The following PXDNL variants were observed in gnomAD, a reference collection of about 807,000 sequenced individuals.
PXDNL encodes the protein probable oxidoreductase PXDNL.
A neutral mutation model predicts 150.8 loss-of-function variants in PXDNL; 145 were observed. The ratio of observed to expected loss-of-function variants is 0.96; its 90% CI spans 0.84 to 1.10. The LOEUF (loss-of-function observed/expected upper bound fraction) is 1.10. PXDNL is among the 50% of genes least tolerant of loss of function. The probability of loss-of-function intolerance (pLI) is 0.00; values close to 1 mark genes in which losing one functional copy is unlikely to be tolerated. For synonymous variants in PXDNL, 757 were observed against 725.7 expected (o/e 1.04, Z -0.69); for missense variants, 2,087 against 1,873.9 (o/e 1.11, Z -2.10).
At chr8:51,338,123 C>T (rs1028448413) in intron 21 of PXDNL, among the ~76,000 whole-genome samples, 3 of 143,084 alleles carry the variant, frequency 2.1e-5, no homozygotes, top group African/African-American at 5.3e-5. Flanking sequence ...AGGTAGGTTG[C>T]AGTGAGCCAA....
intron 4 of PXDNL, among the ~76,000 whole-genome samples, chr8:51,523,808 T>A (rs1025575271): frequency 6.6e-6 from 1 of 152,146 alleles, no homozygotes; most frequent in Admixed American, 6.5e-5. Flanking sequence ...GACAGAAGAA[T>A]ATTAATTGAT....
chr8:51,432,707 T>G (rs1257612309), intron 12 of PXDNL, among the ~76,000 whole-genome samples: 31 of 152,248 alleles, frequency 2.0e-4, no homozygotes, highest in Admixed American at 2.0e-3. Context: ...TAATGTCATA[T>G]CCAATGATCT....
At chr8:51,726,295 C>T (rs187195145) in intron 1 of PXDNL, among the ~76,000 whole-genome samples, 7 of 152,334 alleles carry the variant, frequency 4.6e-5, no homozygotes, top group Admixed American at 4.6e-4. Flanking sequence ...CCCAAAGTCC[C>T]TTAACTAGTG....
intron 1 of PXDNL, among the ~76,000 whole-genome samples, chr8:51,729,349 T>C (rs1188547461): frequency 1.3e-5 from 2 of 152,098 alleles, no homozygotes; most frequent in Admixed American, 1.3e-4. Context: ...AAAGCCCCAC[T>C]AACACCTCAC....
intron 12 of PXDNL, 100 bp downstream of exon 12, chr8:51,446,904 A>G (rs1809689473): frequency 1.1e-6 from 1 of 902,512 alleles, no homozygotes; most frequent in Admixed American, 2.2e-5. Flanking sequence ...CTATATATAT[A>G]TATATAGTCA....
intron 1 of PXDNL, among the ~76,000 whole-genome samples, chr8:51,685,211 T>C (rs1038036631): frequency 1.3e-5 from 2 of 151,976 alleles, no homozygotes; most frequent in African/African-American, 4.8e-5. Context: ...TCGTGTAGAA[T>C]GCAGGTGAGT....
At chr8:51,446,075 G>A (rs547900552) in intron 12 of PXDNL, among the ~76,000 whole-genome samples, 1 of 152,140 alleles carries the variant, frequency 6.6e-6, no homozygotes, top group African/African-American at 2.4e-5. Context: ...AAAATATAAG[G>A]GGAAAGTAAT....
chr8:51,673,780 A>C (rs1301760413), intron 1 of PXDNL, among the ~76,000 whole-genome samples: 1 of 152,216 alleles, frequency 6.6e-6, no homozygotes, highest in African/African-American at 2.4e-5. Context: ...AGTTTAGTTA[A>C]ATATGGAGAT....
intron 1 of PXDNL, among the ~76,000 whole-genome samples, chr8:51,687,420 A>G (rs1305591522): frequency 6.6e-6 from 1 of 152,268 alleles, no homozygotes; most frequent in Non-Finnish European, 1.5e-5. Context: ...CAACTGTATT[A>G]TATACGGTAT....
chr8:51,556,285 A>T (rs1385414196), intron 4 of PXDNL, among the ~76,000 whole-genome samples: 2 of 152,028 alleles, frequency 1.3e-5, no homozygotes, highest in Admixed American at 6.6e-5. Flanking sequence ...TAATGATAAT[A>T]ATAATTATAA....
At chr8:51,430,924 AT>A (rs1478099110) in intron 12 of PXDNL, among the ~76,000 whole-genome samples, 1 of 152,134 alleles carries the variant, frequency 6.6e-6, no homozygotes, top group Non-Finnish European at 1.5e-5. Flanking sequence ...ACAGCAACGA[AT>A]TTCAAGCATT....
intron 3 of PXDNL, among the ~76,000 whole-genome samples, chr8:51,568,308 C>G (rs1040986125): frequency 6.6e-6 from 1 of 151,790 alleles, no homozygotes; most frequent in Non-Finnish European, 1.5e-5. Context: ...CTATTAGTAA[C>G]AAATTTCCTC....
chr8:51,750,575 G>A (rs976820524), intron 1 of PXDNL, among the ~76,000 whole-genome samples: 5 of 152,166 alleles, frequency 3.3e-5, no homozygotes, highest in African/African-American at 1.2e-4. Context: ...GTCATTATGT[G>A]GTGCATGACT....
chr8:51,328,762 G>A (rs75887430), intron 21 of PXDNL, among the ~76,000 whole-genome samples: 4,796 of 152,178 alleles, frequency 0.032, 238 homozygotes, highest in African/African-American at 0.11. Context: ...TATTCAAGAA[G>A]TTTACCTTAA....
chr8:51,415,559 C>G (rs1808774904), intron 14 of PXDNL, among the ~76,000 whole-genome samples: 1 of 152,126 alleles, frequency 6.6e-6, no homozygotes, highest in Non-Finnish European at 1.5e-5. Context: ...GGCCCCTCCT[C>G]CAACACTGGG....
chr8:51,371,871 A>C lies in PXDNL; in HGVS notation c.3901+2T>G. 6.2e-7 allele frequency: 1 copy of C among 1,612,526 alleles called. No homozygotes were observed. The highest frequency in any genetic ancestry group is 8.5e-7 in the Non-Finnish European group (1 of 1,178,896). ...GATCGTGCTCATTGCATTATTACTG[A>C]CCTGCACAGCAGTCTTGCCACACTC... On this transcript the variant is annotated splice_donor_variant, in intron 19 of 22. Transcript: ENST00000356297. LOFTEE classifies it high-confidence loss of function.
In PXDNL at chr8:51,578,047, AAG is replaced by A. The variant is rs1189974479; in HGVS notation, c.308+14578_308+14579del. Among the ~76,000 whole-genome samples the A allele has an allele frequency of 2.4e-4, 33 of 138,490 alleles. 1 individual carries two copies. Among genetic ancestry groups the A allele is most frequent in the African/African-American group, 1.0e-3 (33 of 31,964 alleles). The allele number at this position is 138,490 out of a possible 152,430, so 90.9% of individuals were successfully genotyped here. A position where few individuals can be genotyped will look rare whatever the true frequency, so the allele number is the denominator to read the frequency against. On this transcript the variant is annotated intron_variant, in intron 3 of 22. Coordinates refer to ENST00000356297, the MANE Select transcript of PXDNL (RefSeq NM_144651.5). ...GAAGGAAGGAAGGAAGGAAGGAAGGAAGGAAAGAAAGAAAGGAAAGAAAGAAA... is the reference window on the plus strand; with the variant it reads ...GAAGGAAGGAAGGAAGGAAGGAAGGAGAAAGAAAGAAAGGAAAGAAAGAAA...
rs535313529 is a variant in PXDNL at position 51,407,271 on chromosome 8, T to TA, written c.3557+795dup. ...GTGACAAATTCTATTGACACAGAAGTATTTATAGCCTTAGTTTTGCAAAGA... is the reference window on the plus strand; with the variant it reads ...GTGACAAATTCTATTGACACAGAAGTAATTTATAGCCTTAGTTTTGCAAAGA... On this transcript the variant is annotated intron_variant, in intron 17 of 22. Coordinates refer to ENST00000356297, the MANE Select transcript of PXDNL (RefSeq NM_144651.5). Among the ~76,000 whole-genome samples, 354 of 152,346 alleles carry TA rather than the reference T, an allele frequency of 2.3e-3. 2 individuals are homozygous for TA. Among genetic ancestry groups the TA allele is most frequent in the African/African-American group, 8.2e-3 (341 of 41,582 alleles).
At chr8:51,640,989 A>C (rs1415876272) in intron 2 of PXDNL, among the ~76,000 whole-genome samples, 2 of 152,200 alleles carry the variant, frequency 1.3e-5, no homozygotes, top group Non-Finnish European at 2.9e-5. Context: ...ACAGCATGGT[A>C]CTGGTACCAA....
Sources: gnomAD v4.1 joint callset for allele counts (sites outside exome capture counted in the v4.1 genomes callset) on GRCh38, gnomAD v4.1.1 for gene constraint, MANE v1.5 for transcripts, NCBI Gene and HGNC (gene_info 2026-07-23, HGNC 2026-07-21) for gene names.